The following MDGA1 variants were observed in gnomAD, a reference collection of about 807,000 sequenced individuals.
The protein encoded by MDGA1 is MAM domain containing glycosylphosphatidylinositol anchor 1, also known as MAM domain-containing glycosylphosphatidylinositol anchor protein 1.
In MDGA1, 54 loss-of-function variants were observed where a neutral mutation model predicts 101.5. That is an observed-to-expected ratio of 0.53 (90% CI 0.43 to 0.67). The LOEUF (loss-of-function observed/expected upper bound fraction) is 0.67. Among genes scored for constraint, MDGA1 ranks in the 30% least tolerant of loss-of-function variants. The pLI is 0.00. For synonymous variants in MDGA1, 533 were observed against 558.3 expected (o/e 0.95, Z 0.64); for missense variants, 1,083 against 1,323.8 (o/e 0.82, Z 2.82).
At chr6:37,672,647 CA>C (rs1284900459) in intron 1 of MDGA1, among the ~76,000 whole-genome samples, 2 of 152,160 alleles carry the variant, frequency 1.3e-5, no homozygotes, top group African/African-American at 4.8e-5. Flanking sequence ...CAGGTGCCAC[CA>C]CCCCAGCCAC....
rs1581845063 is a variant in MDGA1 at position 37,643,702 on chromosome 6, G to A, written c.2536+107C>T. ...CAAGGACCTCTCATTTAGCCAAGTG[G>A]GGAAGCTGAGGCCTCACATGGGCCA... is the stretch of plus-strand genomic sequence containing the variant. On this transcript the variant is annotated intron_variant, in intron 14 of 16. Coordinates refer to ENST00000434837, the MANE Select transcript of MDGA1 (RefSeq NM_153487.4). The A allele has an allele frequency of 4.7e-6, 7 of 1,477,940 alleles. No homozygotes were observed. In the East Asian group the frequency reaches 1.4e-4, roughly 29 times the overall value. 91.6% of individuals were successfully genotyped at this position (1,477,940 alleles called of 1,614,324 possible). A position where few individuals can be genotyped will look rare whatever the true frequency, so the allele number is the denominator to read the frequency against.
intron 1 of MDGA1, among the ~76,000 whole-genome samples, chr6:37,664,847 ACACACACACACAC>A (rs1761710247): frequency 1.5e-5 from 1 of 65,146 alleles, no homozygotes; most frequent in Admixed American, 1.3e-4. Flanking sequence ...CCTAAGACAC[ACACACACACACAC>A]ACACACACAC....
chr6:37,658,153 A>C (rs1459961608), intron 3 of MDGA1, 92 bp downstream of exon 3: 30 of 1,385,940 alleles, frequency 2.2e-5, no homozygotes, highest in Non-Finnish European at 2.9e-5. Flanking sequence ...GTTCCACCCC[A>C]TGCCCACTTC....
chr6:37,677,805 C>G (rs1430540038), intron 1 of MDGA1, among the ~76,000 whole-genome samples: 1 of 152,170 alleles, frequency 6.6e-6, no homozygotes, highest in Non-Finnish European at 1.5e-5. Context: ...GAAGGAAGGA[C>G]AGCATTTCTG....
intron 1 of MDGA1, among the ~76,000 whole-genome samples, chr6:37,692,190 C>T (rs1762322456): frequency 6.6e-6 from 1 of 152,188 alleles, no homozygotes; most frequent in Non-Finnish European, 1.5e-5. Flanking sequence ...AAGCCCTCCC[C>T]CTGCTGGCCA....
chr6:37,664,556 G>C (rs1273226450), intron 1 of MDGA1, among the ~76,000 whole-genome samples: 1 of 148,638 alleles, frequency 6.7e-6, no homozygotes, highest in Non-Finnish European at 1.5e-5. Flanking sequence ...GAGCTGCCTT[G>C]GCCAGAAATG....
Position 37,637,417 on chromosome 6 carries a change from G to A in MDGA1, c.2819C>T (p.Pro940Leu). 1 of 1,613,694 alleles carries A rather than the reference G, an allele frequency of 6.2e-7. No individual in the cohort carries two copies. Among genetic ancestry groups the A allele is most frequent in the Non-Finnish European group, 8.5e-7 (1 of 1,179,768 alleles). Residue 940 changes from proline to leucine, a missense_variant, in exon 17 of 17, where the codon CCA becomes CTA. Coordinates refer to ENST00000434837, the MANE Select transcript of MDGA1 (RefSeq NM_153487.4). ...GATGGCCATGGGCCCCCACAGCTGT[G>A]GGCTGGACTGGCAGGGGGCTCCACT... The part of the protein sequence containing the change: ...PGSGAPCQSS[P>L]QLWGPMAIFL...
At chr6:37,651,772 G>A (rs920982059) in intron 7 of MDGA1, among the ~76,000 whole-genome samples, 3 of 152,162 alleles carry the variant, frequency 2.0e-5, no homozygotes, top group Non-Finnish European at 4.4e-5. Flanking sequence ...TATCTGAAAC[G>A]TGTTTGCCTT....
intron 3 of MDGA1, among the ~76,000 whole-genome samples, chr6:37,657,398 C>T (rs1761516009): frequency 6.6e-6 from 1 of 152,218 alleles, no homozygotes; most frequent in Non-Finnish European, 1.5e-5. Flanking sequence ...GAAGTCACCA[C>T]CATGGCCATG....
chr6:37,666,882 A>C (rs943810859), intron 1 of MDGA1, among the ~76,000 whole-genome samples: 4 of 152,216 alleles, frequency 2.6e-5, no homozygotes, highest in Non-Finnish European at 5.9e-5. Context: ...GCTAGTTGAC[A>C]GGGCAGAGTC....
intron 1 of MDGA1, among the ~76,000 whole-genome samples, chr6:37,681,232 G>T (rs118135882): frequency 6.6e-6 from 1 of 152,140 alleles, no homozygotes; most frequent in African/African-American, 2.4e-5. Flanking sequence ...ATTTTCACTC[G>T]CGGACTGCTA....
chr6:37,642,615 A>G (rs1581843973), intron 14 of MDGA1, among the ~76,000 whole-genome samples: 1 of 152,170 alleles, frequency 6.6e-6, no homozygotes, highest in African/African-American at 2.4e-5. Flanking sequence ...TGTGAAATGT[A>G]TTACCTTTCC....
chr6:37,637,532 G>T, intron 16 of MDGA1, 73 bp from the exon 17 acceptor site: 2 of 1,334,762 alleles, frequency 1.5e-6, no homozygotes, highest in South Asian at 1.2e-5. Flanking sequence ...GTGGCAGGCA[G>T]GTCGGCACTG....
Position 37,644,091 on chromosome 6 carries a change from CCACA to C in MDGA1, c.2402-152_2402-149del. ...CTCACCCCACGCATCCTGCCTCACC[CCACA>C]CATCCTGCCTCACCCCACGCATCCT... On this transcript the variant is annotated intron_variant, in intron 13 of 16. Transcript: ENST00000434837. 14 of 527,966 alleles carry C rather than the reference CCACA, an allele frequency of 2.7e-5. 2 individuals are homozygous for C. Among genetic ancestry groups the C allele is most frequent in the Middle Eastern group, 7.2e-4 (1 of 1,384 alleles). The allele number at this position is 527,966 out of a possible 1,614,324, so 32.7% of individuals were successfully genotyped here.
At chr6:37,679,679 G>C (rs1300546017) in intron 1 of MDGA1, among the ~76,000 whole-genome samples, 1 of 152,160 alleles carries the variant, frequency 6.6e-6, no homozygotes, top group Non-Finnish European at 1.5e-5. Flanking sequence ...CTCGGTGATG[G>C]AATCACTCAC....
At chr6:37,637,985 T>C (rs1581837966) in intron 16 of MDGA1, 3 of 600,808 alleles carry the variant, frequency 5.0e-6, no homozygotes, top group Middle Eastern at 5.1e-4. Flanking sequence ...GTCAGTATGC[T>C]CATCACGAGG....
chr6:37,685,862 C>T (rs1762186594), intron 1 of MDGA1, among the ~76,000 whole-genome samples: 1 of 152,104 alleles, frequency 6.6e-6, no homozygotes, highest in Admixed American at 6.6e-5. Flanking sequence ...CACCCCCACC[C>T]CACCTGAGCT....
intron 1 of MDGA1, among the ~76,000 whole-genome samples, chr6:37,679,069 C>A (rs1234635684): frequency 6.6e-6 from 1 of 151,998 alleles, no homozygotes; most frequent in Non-Finnish European, 1.5e-5. Context: ...GCAATACCTG[C>A]CCTCCTGCTT....
intron 14 of MDGA1, among the ~76,000 whole-genome samples, chr6:37,642,648 A>G (rs1268766404): frequency 6.6e-6 from 1 of 152,140 alleles, no homozygotes; most frequent in African/African-American, 2.4e-5. Context: ...AACAAACAAA[A>G]ACAATTTTAA....
Sources: gnomAD v4.1 joint callset for allele counts (sites outside exome capture counted in the v4.1 genomes callset) on GRCh38, gnomAD v4.1.1 for gene constraint, MANE v1.5 for transcripts, NCBI Gene and HGNC (gene_info 2026-07-23, HGNC 2026-07-21) for gene names.